VTI1A: variants seen among roughly 807,000 people sequenced by gnomAD.
VTI1A encodes vesicle transport through interaction with t-SNAREs homolog 1A.
VTI1A carries 22 observed loss-of-function variants against 34.9 expected under a neutral mutation model. The ratio of observed to expected loss-of-function variants is 0.63; its 90% CI spans 0.45 to 0.90. The LOEUF (loss-of-function observed/expected upper bound fraction) is 0.90, where lower values mean the gene tolerates loss of function less well. Among genes scored for constraint, VTI1A ranks in the 40% least tolerant of loss-of-function variants. VTI1A has a pLI of 0.00. For missense variants in VTI1A, 268 were observed against 275.6 expected, an observed-to-expected ratio of 0.97 and a Z score of 0.20; for synonymous variants, 87 against 97.3, an observed-to-expected ratio of 0.89 and a Z score of 0.62.
chr10:112,790,291 A>G (rs1490887703), intron 7 of VTI1A, among the ~76,000 whole-genome samples: 1 of 152,192 alleles, frequency 6.6e-6, no homozygotes, highest in African/African-American at 2.4e-5. Context: ...GAGCACATTC[A>G]AAGTTCAGCC....
intron 5 of VTI1A, among the ~76,000 whole-genome samples, chr10:112,555,763 TA>T (rs913135690): frequency 1.3e-5 from 2 of 152,122 alleles, no homozygotes; most frequent in East Asian, 3.9e-4. Flanking sequence ...TTCAGCCTTT[TA>T]AAAAAATGTC....
chr10:112,590,614 C>T (rs540205049), intron 5 of VTI1A, among the ~76,000 whole-genome samples: 5 of 151,706 alleles, frequency 3.3e-5, no homozygotes, highest in African/African-American at 1.2e-4. Context: ...CCTAGGAGGT[C>T]GAGGCTACAG....
intron 5 of VTI1A, among the ~76,000 whole-genome samples, chr10:112,581,570 G>A (rs956387641): frequency 3.3e-5 from 5 of 152,182 alleles, no homozygotes; most frequent in Non-Finnish European, 7.3e-5. Flanking sequence ...CTTATACAAT[G>A]CAAGGTATAT....
chr10:112,523,576 G>GT (rs768635940), intron 3 of VTI1A, among the ~76,000 whole-genome samples: 17 of 151,896 alleles, frequency 1.1e-4, no homozygotes, highest in Non-Finnish European at 2.1e-4. Flanking sequence ...TGTGTATGTT[G>GT]TGTGTGTGTG....
chr10:112,710,475 A>G lies in VTI1A; in HGVS notation c.560+41477A>G, dbSNP rs536889912. ...GCCCACCTTGGCCTCCCAAAATGCT[A>G]GGATTACAGGTGTGAGCCACCACGC... is the stretch of plus-strand genomic sequence containing the variant. On this transcript the variant is annotated intron_variant, in intron 7 of 7. Transcript: ENST00000393077. 2.0e-4 allele frequency among the ~76,000 whole-genome samples: 31 copies of G among 152,238 alleles called. 1 individual carries two copies. The South Asian group carries it at 6.4e-3, about 32-fold the overall frequency.
intron 3 of VTI1A, among the ~76,000 whole-genome samples, chr10:112,480,853 G>A (rs1433474905): frequency 1.3e-5 from 2 of 152,174 alleles, no homozygotes; most frequent in African/African-American, 4.8e-5. Context: ...CAGATGTTGT[G>A]ATTTAATTGG....
At chr10:112,488,557 G>A (rs2134117883) in intron 3 of VTI1A, among the ~76,000 whole-genome samples, 1 of 152,300 alleles carries the variant, frequency 6.6e-6, no homozygotes, top group African/African-American at 2.4e-5. Context: ...GCTTGAGCAA[G>A]AATTAGAAAC....
At chr10:112,821,370 G>T (rs1853651603), downstream of VTI1A, among the ~76,000 whole-genome samples, 1 of 152,174 alleles carries the variant, frequency 6.6e-6, no homozygotes, top group Non-Finnish European at 1.5e-5. Context: ...TTCAGGAGGG[G>T]ACAATACCTG....
the VTI1A span, chr10:112,823,956 A>T: frequency 6.6e-6 from 1 of 152,268 alleles, no homozygotes; most frequent in African/African-American, 2.4e-5. Flanking sequence ...CAGAGAGGGG[A>T]CAAGATTTGC....
intron 7 of VTI1A, among the ~76,000 whole-genome samples, chr10:112,772,477 C>T (rs1345132207): frequency 2.6e-5 from 4 of 152,170 alleles, no homozygotes. Context: ...CAAACATGTT[C>T]TCCTATTCTA....
At chr10:112,711,467 A>G (rs965494643) in intron 7 of VTI1A, among the ~76,000 whole-genome samples, 7 of 152,184 alleles carry the variant, frequency 4.6e-5, no homozygotes, top group Non-Finnish European at 8.8e-5. Context: ...TCCTACTACT[A>G]ATAATCACCC....
At chr10:112,527,388 C>A (rs1404924590) in intron 4 of VTI1A, 5 of 355,930 alleles carry the variant, frequency 1.4e-5, no homozygotes, top group East Asian at 9.3e-5. Context: ...TTAAAAAAAT[C>A]TTTTCTTCTC....
chr10:112,527,914 C>T (rs1170798084), intron 4 of VTI1A, among the ~76,000 whole-genome samples: 1 of 151,936 alleles, frequency 6.6e-6, no homozygotes, highest in Non-Finnish European at 1.5e-5. Flanking sequence ...TTCATTAATT[C>T]ATGTAGATAC....
intron 1 of VTI1A, among the ~76,000 whole-genome samples, chr10:112,456,089 G>A (rs1199794050): frequency 6.6e-6 from 1 of 152,102 alleles, no homozygotes; most frequent in Non-Finnish European, 1.5e-5. Flanking sequence ...TTTGTCAAGA[G>A]TAGTCTCTGC....
intron 7 of VTI1A, among the ~76,000 whole-genome samples, chr10:112,806,033 C>T (rs774548863): frequency 1.3e-5 from 2 of 152,230 alleles, no homozygotes; most frequent in Middle Eastern, 3.4e-3. Context: ...CAGGGCGAAG[C>T]GACTCCAGTC....
rs185060706 is a variant in VTI1A, at chr10:112,662,754, A to G, written c.428-5464A>G. Among the ~76,000 whole-genome samples, 664 of 152,322 alleles carry G rather than the reference A, an allele frequency of 4.4e-3. 5 individuals carry two copies. Among genetic ancestry groups the G allele is most frequent in the African/African-American group, 0.015 (636 of 41,574 alleles). On this transcript the variant is annotated intron_variant, in intron 5 of 7. Transcript: ENST00000393077. Reference sequence around the variant, plus strand: ...AAAAAAGAACAAGGGAATCTGAAATATAACATCCTGGGTTTGTTTTTTTCC... The same window carrying G: ...AAAAAAGAACAAGGGAATCTGAAATGTAACATCCTGGGTTTGTTTTTTTCC...
chr10:112,852,922 G>A, the VTI1A span, among the ~76,000 whole-genome samples: 2 of 152,118 alleles, frequency 1.3e-5, no homozygotes, highest in Admixed American at 1.3e-4. Flanking sequence ...GGGACTACAG[G>A]CACACACCAC....
intron 5 of VTI1A, among the ~76,000 whole-genome samples, chr10:112,584,301 A>C (rs573695599): frequency 6.6e-6 from 1 of 152,324 alleles, no homozygotes; most frequent in African/African-American, 2.4e-5. Flanking sequence ...ACAGAAATTA[A>C]CAGTCAGAAT....
chr10:112,839,288 C>T, the VTI1A span, among the ~76,000 whole-genome samples: 1 of 152,196 alleles, frequency 6.6e-6, no homozygotes, highest in Admixed American at 6.5e-5. Context: ...CTTGTCATTT[C>T]CCATTGTGAG....
Sources: allele counts gnomAD v4.1 joint callset (sites outside exome capture counted in the v4.1 genomes callset), GRCh38; gene constraint gnomAD v4.1.1; transcripts MANE v1.5; gene names NCBI Gene and HGNC (gene_info 2026-07-23, HGNC 2026-07-21).